TFB2M: variants seen among roughly 807,000 people sequenced by gnomAD.
TFB2M encodes the protein transcription factor B2, mitochondrial.
A neutral mutation model predicts 41.3 loss-of-function variants in TFB2M; 44 were observed. That is an observed-to-expected ratio of 1.07 (90% confidence interval 0.84 to 1.37). The LOEUF (loss-of-function observed/expected upper bound fraction) is 1.37, where lower values mean the gene tolerates loss of function less well. Ranked by LOEUF, TFB2M falls within the 40% of genes most tolerant of loss-of-function variation. The pLI is 0.00. For missense variants in TFB2M, 496 were observed against 490.2 expected (o/e 1.01, Z -0.11); for synonymous variants, 188 against 176.8 (o/e 1.06, Z -0.50).
chr1:246,547,886 T>C (rs1351402397), intron 6 of TFB2M, among the ~76,000 whole-genome samples: 1 of 151,788 alleles, frequency 6.6e-6, no homozygotes, highest in African/African-American at 2.4e-5. Flanking sequence ...AACTCCTGGG[T>C]AAAAATCAAG....
rs200741232 is a variant in TFB2M at position 246,541,172 on chromosome 1, T to C, written c.1050A>G (p.Ile350Met). The change falls in exon 8 of 8, where the codon ATA becomes ATG. Residue 350 changes from isoleucine (I) to methionine (M), a missense_variant. Coordinates refer to ENST00000366514, the MANE Select transcript of TFB2M (RefSeq NM_022366.3). ...CCTCCTGTTTTCCTATTTGCATCAA[T>C]ATATCTCTCGCATCAAGTGGAGTCA... ...RSLTPLDARD[I>M]LMQIGKQEDE... The C allele has an allele frequency of 5.0e-6, 8 of 1,614,076 alleles. No individual in the cohort carries two copies. The highest frequency in any genetic ancestry group is 2.7e-5 in the African/African-American group (2 of 75,046).
At chr1:246,547,978 C>T (rs982541249) in intron 6 of TFB2M, among the ~76,000 whole-genome samples, 7 of 147,360 alleles carry the variant, frequency 4.8e-5, no homozygotes, top group African/African-American at 1.8e-4. Context: ...GACAGAGTCT[C>T]GCTCTGTTGT....
At chr1:246,542,584 G>C (rs555783262) in intron 7 of TFB2M, among the ~76,000 whole-genome samples, 1 of 152,218 alleles carries the variant, frequency 6.6e-6, no homozygotes, top group Non-Finnish European at 1.5e-5. Context: ...GCTGAGGCAG[G>C]ATCACTTGAG....
chr1:246,558,246 AAGTGATCCTTCCACCT>A, intron 2 of TFB2M, among the ~76,000 whole-genome samples: 1 of 150,484 alleles, frequency 6.6e-6, no homozygotes, highest in Non-Finnish European at 1.5e-5. Context: ...TCCTGGGCTT[AAGTGATCCTTCCACCT>A]CAGTCCCACA....
rs1309205667 is a variant in TFB2M at position 246,540,720 on chromosome 1, CTCT to C, written c.*308_*310del. On this transcript the variant is annotated 3_prime_UTR_variant, in exon 8 of 8. Transcript: ENST00000366514. ...AAGCTTAATAATGTACAGACTCTTGCTCTTCAAGAAGATGCAAAAATCAGCAAC... is the reference window on the plus strand; with the variant it reads ...AAGCTTAATAATGTACAGACTCTTGCTCAAGAAGATGCAAAAATCAGCAAC... 2 of 249,050 alleles carry C rather than the reference CTCT, an allele frequency of 8.0e-6. No individual in the cohort carries two copies. Among genetic ancestry groups the C allele is most frequent in the Admixed American group, 5.2e-5 (1 of 19,196 alleles). 15.4% of individuals were successfully genotyped at this position (249,050 alleles called of 1,614,324 possible). A position where few individuals can be genotyped will look rare whatever the true frequency, so the allele number is the denominator to read the frequency against.
intron 6 of TFB2M, among the ~76,000 whole-genome samples, chr1:246,546,080 C>G (rs533548437): frequency 1.3e-5 from 2 of 152,036 alleles, no homozygotes; most frequent in Admixed American, 6.5e-5. Context: ...TTTGGGAGGC[C>G]GAGGCAGGAG....
chr1:246,549,292 G>A (rs555200138), intron 5 of TFB2M, among the ~76,000 whole-genome samples: 1 of 151,604 alleles, frequency 6.6e-6, no homozygotes, highest in Non-Finnish European at 1.5e-5. Context: ...AATTTTAAGA[G>A]ATGATCCGGT....
Position 246,548,547 on chromosome 1 carries a change from T to G in TFB2M, c.856A>C (p.Arg286=), listed in dbSNP as rs771458804. The G allele has an allele frequency of 6.2e-7, 1 of 1,613,158 alleles. No homozygotes were observed. The highest frequency in any genetic ancestry group is 8.5e-7 in the Non-Finnish European group (1 of 1,179,508). Residue 286 remains arginine (R), a splice_region_variant and synonymous_variant, in exon 6 of 8, where the codon AGG becomes CGG. Coordinates refer to ENST00000366514, the MANE Select transcript of TFB2M (RefSeq NM_022366.3). ...AAAAGGTATTATTTTATTCTTACCCTACGCTTTGGGTTTTCCAGCGGCCCT... is the reference window on the plus strand; with the variant it reads ...AAAAGGTATTATTTTATTCTTACCCGACGCTTTGGGTTTTCCAGCGGCCCT... ...RKGPLENPKR[R]ELLDQLQQKL... is the part of the protein sequence containing the mutation.
intron 2 of TFB2M, among the ~76,000 whole-genome samples, chr1:246,560,898 G>A (rs934115333): frequency 1.3e-5 from 2 of 152,116 alleles, no homozygotes; most frequent in Non-Finnish European, 2.9e-5. Flanking sequence ...CGGATCACGA[G>A]GTCAGGAGTT....
intron 5 of TFB2M, among the ~76,000 whole-genome samples, chr1:246,548,986 C>T (rs1659096151): frequency 6.6e-6 from 1 of 152,136 alleles, no homozygotes; most frequent in Admixed American, 6.5e-5. Context: ...AGTGGAAAAG[C>T]CTACTAATCA....
At chr1:246,546,099 G>A (rs1659010571) in intron 6 of TFB2M, among the ~76,000 whole-genome samples, 1 of 152,060 alleles carries the variant, frequency 6.6e-6, no homozygotes, top group Non-Finnish European at 1.5e-5. Context: ...AGGATCGCTG[G>A]AGCCCAAGAG....
At chr1:246,564,158 CAT>C (rs1487537355) in intron 2 of TFB2M, among the ~76,000 whole-genome samples, 186 bp downstream of exon 2, 1 of 152,214 alleles carries the variant, frequency 6.6e-6, no homozygotes, top group Non-Finnish European at 1.5e-5. Flanking sequence ...TAGAACTCCT[CAT>C]GTTTCAGCCA....
chr1:246,551,707 A>G (rs1216386167), intron 4 of TFB2M, among the ~76,000 whole-genome samples: 1 of 152,192 alleles, frequency 6.6e-6, no homozygotes, highest in African/African-American at 2.4e-5. Context: ...ACAACAACAC[A>G]CAAGTGTTAA....
intron 4 of TFB2M, among the ~76,000 whole-genome samples, chr1:246,554,778 T>C (rs1659276665): frequency 1.3e-5 from 2 of 152,110 alleles, no homozygotes; most frequent in African/African-American, 4.8e-5. Context: ...TGGTCCCTGG[T>C]GCCAAAGATG....
chr1:246,552,151 T>C (rs12757433), intron 4 of TFB2M, among the ~76,000 whole-genome samples: 2,212 of 152,086 alleles, frequency 0.015, 25 homozygotes, highest in Non-Finnish European at 0.021. Context: ...GGTGTGCACA[T>C]GTAGTCCCAG....
chr1:246,541,291 C>T (rs2102981475), intron 7 of TFB2M, 89 bp from the exon 8 acceptor site: 1 of 1,303,852 alleles, frequency 7.7e-7, no homozygotes, highest in Non-Finnish European at 1.1e-6. Context: ...AAGTTGAATT[C>T]AAAATGTCTA....
chr1:246,552,002 C>T, intron 4 of TFB2M, among the ~76,000 whole-genome samples: 1 of 152,008 alleles, frequency 6.6e-6, no homozygotes, highest in East Asian at 1.9e-4. Flanking sequence ...ATTTTTTGCC[C>T]CACTATCCTA....
chr1:246,545,279 C>A (rs1658983466), intron 6 of TFB2M, among the ~76,000 whole-genome samples: 1 of 152,058 alleles, frequency 6.6e-6, no homozygotes, highest in Non-Finnish European at 1.5e-5. Flanking sequence ...GCCCATGATC[C>A]CAGCACTTTG....
chr1:246,544,075 G>T (rs1448598318), intron 7 of TFB2M, among the ~76,000 whole-genome samples: 1 of 152,046 alleles, frequency 6.6e-6, no homozygotes, highest in Non-Finnish European at 1.5e-5. Flanking sequence ...CAAAGCTTTG[G>T]GTAAAAACAA....
Sources: gnomAD v4.1 joint callset for allele counts (sites outside exome capture counted in the v4.1 genomes callset) on GRCh38, gnomAD v4.1.1 for gene constraint, MANE v1.5 for transcripts, NCBI Gene and HGNC (gene_info 2026-07-23, HGNC 2026-07-21) for gene names.